The following EFNB2 variants were observed in gnomAD, a reference collection of about 807,000 sequenced individuals.
EFNB2 encodes the protein ephrin B2.
In EFNB2, 5 loss-of-function variants were observed where a neutral mutation model predicts 32.1. That is an observed-to-expected ratio of 0.16 (90% CI 0.08 to 0.33). The LOEUF is 0.33. Ranked by LOEUF, EFNB2 falls within the 10% of genes least tolerant of loss-of-function variation. EFNB2 has a pLI of 1.00. For synonymous variants in EFNB2, 168 were observed against 166.5 expected (o/e 1.01, Z -0.07); for missense variants, 263 against 422.6 (o/e 0.62, Z 3.31).
Position 106,492,934 on chromosome 13 carries a change from G to T in EFNB2, c.*106C>A. 7.1e-7 allele frequency: 1 copy of T among 1,417,006 alleles called. No individual in the cohort carries two copies. 87.8% of individuals were successfully genotyped at this position (1,417,006 alleles called of 1,614,324 possible). The stretch of plus-strand genomic sequence containing the variant: ...AGGAGGAGTGTCCCTCTCCCCCGGT[G>T]CTGTGCTTCAGTCAATTCTCCAGCA... On this transcript the variant is annotated 3_prime_UTR_variant, in exon 5 of 5. Coordinates refer to ENST00000646441, the MANE Select transcript of EFNB2 (RefSeq NM_004093.4). This position sits in a 1 kb window ranked among gnomAD's most constrained non-coding sequence, Gnocchi z 5.1.
At chr13:106,509,636 T>TGA (rs1424470935) in intron 2 of EFNB2, among the ~76,000 whole-genome samples, 1 of 56,298 alleles carries the variant, frequency 1.8e-5, no homozygotes, top group East Asian at 5.3e-4. Flanking sequence ...ACTGTGTGTG[T>TGA]GTGTGTGTGT....
chr13:106,512,885 A>T, intron 1 of EFNB2, 73 bp from the exon 2 acceptor site: 3 of 1,315,472 alleles, frequency 2.3e-6, no homozygotes, highest in Non-Finnish European at 3.1e-6. Context: ...CAAGATAGCC[A>T]GGCAATGCCC....
intron 2 of EFNB2, chr13:106,506,799 T>G (rs1297519012): frequency 6.6e-6 from 1 of 152,222 alleles, no homozygotes; most frequent in Non-Finnish European, 1.5e-5. Flanking sequence ...CCACCACATC[T>G]GGATTCCCAT....
chr13:106,533,556 C>T (rs1879954609), intron 1 of EFNB2, among the ~76,000 whole-genome samples: 1 of 152,324 alleles, frequency 6.6e-6, no homozygotes, highest in Non-Finnish European at 1.5e-5. Context: ...CCGACGTTTT[C>T]GCCCTTTTCA....
At chr13:106,532,096 A>C (rs1471556128) in intron 1 of EFNB2, among the ~76,000 whole-genome samples, 1 of 151,480 alleles carries the variant, frequency 6.6e-6, no homozygotes, top group Non-Finnish European at 1.5e-5. Flanking sequence ...TTAAACAACC[A>C]AAATGGCTAC....
chr13:106,490,990 A>G lies in EFNB2; in HGVS notation c.*2050T>C, dbSNP rs1199845185. 1.3e-5 allele frequency: 2 copies of G among 152,580 alleles called. No individual in the cohort carries two copies. The highest frequency in any genetic ancestry group is 2.9e-5 in the Non-Finnish European group (2 of 68,032). 9.5% of individuals were successfully genotyped at this position (152,580 alleles called of 1,614,324 possible). A position where few individuals can be genotyped will look rare whatever the true frequency, so the allele number is the denominator to read the frequency against. On this transcript the variant is annotated 3_prime_UTR_variant, in exon 5 of 5. Coordinates refer to ENST00000646441, the MANE Select transcript of EFNB2 (RefSeq NM_004093.4). The stretch of plus-strand genomic sequence containing the variant: ...GAAAGCAAAGTGTTACCATAGTAAC[A>G]GGACTATGTTAAAGATGTCTATTTT...
At chr13:106,498,560 A>T (rs1248235420) in intron 2 of EFNB2, among the ~76,000 whole-genome samples, 1 of 152,210 alleles carries the variant, frequency 6.6e-6, no homozygotes, top group Non-Finnish European at 1.5e-5. Context: ...TGGAATCTAT[A>T]ATTTAACATC....
chr13:106,495,899 GC>G, intron 2 of EFNB2, 59 bp from the exon 3 acceptor site: 1 of 1,490,230 alleles, frequency 6.7e-7, no homozygotes, highest in Admixed American at 1.8e-5. Context: ...AAATCAATAA[GC>G]CAAGTTTACA....
Sources: allele counts gnomAD v4.1 joint callset (sites outside exome capture counted in the v4.1 genomes callset), GRCh38; gene constraint gnomAD v4.1.1; non-coding constraint Gnocchi (gnomAD v3.1); transcripts MANE v1.5; gene names NCBI Gene and HGNC (gene_info 2026-07-23, HGNC 2026-07-21).